SEPTIN9: variants seen among roughly 807,000 people sequenced by gnomAD.
The protein encoded by SEPTIN9 is septin-9.
SEPTIN9 carries 13 observed loss-of-function variants against 56.6 expected under a neutral mutation model. That is an observed-to-expected ratio of 0.23 (90% CI 0.15 to 0.37). SEPTIN9 has a LOEUF of 0.37. Among genes scored for constraint, SEPTIN9 ranks in the 10% least tolerant of loss-of-function variants. SEPTIN9 has a pLI of 1.00. For missense variants in SEPTIN9, 650 were observed against 823.1 expected (o/e 0.79, Z 2.57); for synonymous variants, 332 against 334.1 (o/e 0.99, Z 0.07).
intron 1 of SEPTIN9, among the ~76,000 whole-genome samples, chr17:77,299,630 T>C (rs1017623559): frequency 8.5e-5 from 13 of 152,220 alleles, no homozygotes; most frequent in South Asian, 2.1e-4. Context: ...CTGTATTTTA[T>C]ATGAGAACCC....
intron 1 of SEPTIN9, among the ~76,000 whole-genome samples, chr17:77,286,640 C>T (rs2031293166): frequency 6.6e-6 from 1 of 152,198 alleles, no homozygotes; most frequent in African/African-American, 2.4e-5. Flanking sequence ...TCCTGCCATC[C>T]CAGGCAGCCC....
In SEPTIN9 at chr17:77,418,885, G is replaced by A. The variant is rs369725709; in HGVS notation, c.721+16182G>A. On this transcript the variant is annotated intron_variant, in intron 3 of 11. Coordinates refer to ENST00000427177, the MANE Select transcript of SEPTIN9 (RefSeq NM_001113491.2). ...GCTTCTGGTCTGAGCTGAGGCCCCTGGAAGCCACAGCCAGGAGGCAGCAAG... is the reference window on the plus strand; with the variant it reads ...GCTTCTGGTCTGAGCTGAGGCCCCTAGAAGCCACAGCCAGGAGGCAGCAAG... Among the ~76,000 whole-genome samples the A allele has an allele frequency of 6.6e-4, 101 of 152,260 alleles. No individual in the cohort carries two copies. In the East Asian group the frequency reaches 0.019, roughly 29 times the overall value.
chr17:77,492,798 A>C lies in SEPTIN9; in HGVS notation c.1476+82A>C. The C allele has an allele frequency of 7.3e-7, 1 of 1,367,412 alleles. No homozygotes were observed. Among genetic ancestry groups the C allele is most frequent in the Non-Finnish European group, 1.0e-6 (1 of 956,044 alleles). 84.7% of individuals were successfully genotyped at this position (1,367,412 alleles called of 1,614,324 possible). On this transcript the variant is annotated intron_variant, in intron 9 of 11. Transcript: ENST00000427177. This position sits in a 1 kb window ranked among gnomAD's most constrained non-coding sequence, Gnocchi z 5.4. Reference sequence around the variant, plus strand: ...TGGGTTGGGGGTTTGGAGGACCTTAAGCCATGAAATTATATTCTTGGGGCC... The same window carrying C: ...TGGGTTGGGGGTTTGGAGGACCTTACGCCATGAAATTATATTCTTGGGGCC...
chr17:77,482,910 G>A (rs1216663589), intron 4 of SEPTIN9: 1 of 255,126 alleles, frequency 3.9e-6, no homozygotes, highest in South Asian at 8.1e-5. Flanking sequence ...TGTTTCCAAA[G>A]CCCCCCAGGT....
chr17:77,480,626 C>T (rs2039417575), intron 3 of SEPTIN9, among the ~76,000 whole-genome samples: 2 of 152,226 alleles, frequency 1.3e-5, no homozygotes, highest in African/African-American at 4.8e-5. Context: ...GGGGATGAGC[C>T]CCCTGCAGCC....
intron 2 of SEPTIN9, among the ~76,000 whole-genome samples, chr17:77,372,830 C>T (rs933318462): frequency 6.6e-6 from 1 of 152,270 alleles, no homozygotes; most frequent in African/African-American, 2.4e-5. Context: ...CGCCCCTCGG[C>T]TCTTGAGCCC....
chr17:77,463,428 G>A (rs1024194036), intron 3 of SEPTIN9, among the ~76,000 whole-genome samples: 5 of 152,020 alleles, frequency 3.3e-5, no homozygotes, highest in Admixed American at 6.5e-5. Flanking sequence ...TAAATTTGCC[G>A]GGAAGTATCT....
At chr17:77,412,816 G>T (rs779065465) in intron 3 of SEPTIN9, among the ~76,000 whole-genome samples, 2 of 152,060 alleles carry the variant, frequency 1.3e-5, no homozygotes, top group Non-Finnish European at 1.5e-5. Context: ...TTTCTGGGAT[G>T]TTCTTCTACA....
At chr17:77,288,884 G>C (rs1187280786) in intron 1 of SEPTIN9, among the ~76,000 whole-genome samples, 3 of 152,174 alleles carry the variant, frequency 2.0e-5, no homozygotes, top group Admixed American at 6.5e-5. Flanking sequence ...AGTGCACACA[G>C]AGGCCGGCAC....
rs901013942 is a variant in SEPTIN9 at position 77,433,520 on chromosome 17, C to T, written c.721+30817C>T. Among the ~76,000 whole-genome samples, 23 of 152,108 alleles carry T rather than the reference C, an allele frequency of 1.5e-4. No individual in the cohort carries two copies. The highest frequency in any genetic ancestry group is 2.6e-4 in the Non-Finnish European group (18 of 68,008). On this transcript the variant is annotated intron_variant, in intron 3 of 11. Coordinates refer to ENST00000427177, the MANE Select transcript of SEPTIN9 (RefSeq NM_001113491.2). The surrounding 1 kb of genome is among the most constrained non-coding windows in gnomAD (Gnocchi z 6.4). ...TGTGACGGCCAAAAGGGATGGCGCC[C>T]CAGCCACGTTCCCACCCACCCCGAG...
intron 2 of SEPTIN9, among the ~76,000 whole-genome samples, chr17:77,385,716 C>T (rs866292315): frequency 7.8e-4 from 119 of 152,198 alleles, no homozygotes; most frequent in African/African-American, 2.7e-3. Context: ...TGCTCCAGGC[C>T]TGGGGTGTCA....
At position 77,329,102 on chromosome 17, in the gene SEPTIN9, TCGTG is replaced by T. The variant is rs1363170426; in HGVS notation, c.76+21907_76+21910del. ...CACCAATGCGACAGGCAGGGCCAGGTCGTGCCGGGCCTTGGAGGCCCTGGTGAGG... is the reference window on the plus strand; with the variant it reads ...CACCAATGCGACAGGCAGGGCCAGGTCCGGGCCTTGGAGGCCCTGGTGAGG... On this transcript the variant is annotated intron_variant, in intron 2 of 11. Coordinates refer to ENST00000427177, the MANE Select transcript of SEPTIN9 (RefSeq NM_001113491.2). This position sits in a 1 kb window ranked among gnomAD's most constrained non-coding sequence, Gnocchi z 4.3. Among the ~76,000 whole-genome samples, 1 of 152,092 alleles carries T rather than the reference TCGTG, an allele frequency of 6.6e-6. No individual in the cohort carries two copies.
At chr17:77,354,988 A>G (rs563074152) in intron 2 of SEPTIN9, among the ~76,000 whole-genome samples, 1 of 152,042 alleles carries the variant, frequency 6.6e-6, no homozygotes, top group Non-Finnish European at 1.5e-5. Context: ...CAGGATTTCC[A>G]TCCAGCTCTG....
In SEPTIN9 at chr17:77,425,810, C is replaced by T. The variant is rs2036885942; in HGVS notation, c.721+23107C>T. 1.3e-5 allele frequency among the ~76,000 whole-genome samples: 2 copies of T among 152,048 alleles called. No individual in the cohort carries two copies. Among genetic ancestry groups the T allele is most frequent in the South Asian group, 4.2e-4 (2 of 4,814 alleles). Reference sequence around the variant, plus strand: ...TGTGCTTAGAATCTGTGCGTGGAGCCAGAAGTCACAAGGTTGGCCCAGCTG... The same window carrying T: ...TGTGCTTAGAATCTGTGCGTGGAGCTAGAAGTCACAAGGTTGGCCCAGCTG... On this transcript the variant is annotated intron_variant, in intron 3 of 11. Coordinates refer to ENST00000427177, the MANE Select transcript of SEPTIN9 (RefSeq NM_001113491.2). This position sits in a 1 kb window ranked among gnomAD's most constrained non-coding sequence, Gnocchi z 4.2.
In SEPTIN9 at chr17:77,498,679, G is replaced by GGGGGGC; in HGVS notation, c.*23_*24insGGGCGG. The GGGGGGC allele has an allele frequency of 7.4e-7, 1 of 1,357,848 alleles. No individual in the cohort carries two copies. The highest frequency in any genetic ancestry group is 2.9e-5 in the East Asian group (1 of 34,986). 84.1% of individuals were successfully genotyped at this position (1,357,848 alleles called of 1,614,324 possible). ...TGTAGACGCCACCCTGCCCACCCCC[G>GGGGGGC]GGATCCTGCCCCCAAGTCATTTCCG... On this transcript the variant is annotated 3_prime_UTR_variant, in exon 12 of 12. Transcript: ENST00000427177.
At chr17:77,430,204 G>A (rs914370028) in intron 3 of SEPTIN9, among the ~76,000 whole-genome samples, 3 of 151,942 alleles carry the variant, frequency 2.0e-5, no homozygotes, top group African/African-American at 2.4e-5. Flanking sequence ...CCCTCCCCCC[G>A]CCAGCTCCAT....
In SEPTIN9 at chr17:77,424,168, T is replaced by C. The variant is rs1259376733; in HGVS notation, c.721+21465T>C. On this transcript the variant is annotated intron_variant, in intron 3 of 11. Transcript: ENST00000427177. ...GAAGCTTTATGCGCTTCATGGGATG[T>C]ATCTGCACTATCGCCGTAGAAAACG... Among the ~76,000 whole-genome samples, 3 of 151,636 alleles carry C rather than the reference T, an allele frequency of 2.0e-5. No individual in the cohort carries two copies. In the East Asian group the frequency reaches 5.8e-4, roughly 30 times the overall value.
At chr17:77,443,687 C>T (rs554939859) in intron 3 of SEPTIN9, among the ~76,000 whole-genome samples, 10 of 151,800 alleles carry the variant, frequency 6.6e-5, no homozygotes, top group Non-Finnish European at 1.5e-4. Flanking sequence ...ATCCCAGCTA[C>T]GGGGGAGGCT....
intron 5 of SEPTIN9, among the ~76,000 whole-genome samples, 161 bp from the exon 6 acceptor site, chr17:77,488,079 C>T (rs2039871171): frequency 6.6e-6 from 1 of 151,462 alleles, no homozygotes; most frequent in Non-Finnish European, 1.5e-5. Context: ...GGAACCGTCA[C>T]CGGCCTGTGC....
Sources: allele counts gnomAD v4.1 joint callset (sites outside exome capture counted in the v4.1 genomes callset), GRCh38; gene constraint gnomAD v4.1.1; non-coding constraint Gnocchi (gnomAD v3.1); transcripts MANE v1.5; gene names NCBI Gene and HGNC (gene_info 2026-07-23, HGNC 2026-07-21).